ERBB4: variants seen among roughly 807,000 people sequenced by gnomAD.
ERBB4 encodes receptor tyrosine-protein kinase erbB-4.
ERBB4 carries 42 observed loss-of-function variants against 158.0 expected under a neutral mutation model. The ratio of observed to expected loss-of-function variants is 0.27; its 90% CI spans 0.21 to 0.34. The LOEUF is 0.34. ERBB4 is among the 10% of genes least tolerant of loss of function. ERBB4 has a pLI of 1.00. For synonymous variants in ERBB4, 583 were observed against 558.7 expected (o/e 1.04, Z -0.61); for missense variants, 1,333 against 1,624.1 (o/e 0.82, Z 3.08).
chr2:212,253,919 T>C (rs956187002), intron 1 of ERBB4, among the ~76,000 whole-genome samples: 11 of 152,114 alleles, frequency 7.2e-5, no homozygotes, highest in Non-Finnish European at 8.8e-5. Flanking sequence ...CACACCTGTA[T>C]AGTATGTTAC....
At chr2:211,558,583 T>C (rs2067299911) in intron 20 of ERBB4, among the ~76,000 whole-genome samples, 1 of 152,202 alleles carries the variant, frequency 6.6e-6, no homozygotes, top group South Asian at 2.1e-4. Context: ...TACCATTTAT[T>C]ACATTCTTTT....
intron 2 of ERBB4, among the ~76,000 whole-genome samples, chr2:212,057,613 A>G (rs1267962834): frequency 6.6e-6 from 1 of 152,250 alleles, no homozygotes; most frequent in East Asian, 1.9e-4. Context: ...ACTAGAACTC[A>G]GGATTAAGAA....
At chr2:211,530,293 G>T (rs1388573233) in intron 20 of ERBB4, among the ~76,000 whole-genome samples, 1 of 152,048 alleles carries the variant, frequency 6.6e-6, no homozygotes. Flanking sequence ...AACCAAAGAA[G>T]TGAACAATCT....
At position 212,187,381 on chromosome 2, in the gene ERBB4, C is replaced by A. The variant is rs949921277; in HGVS notation, c.83-62478G>T. Among the ~76,000 whole-genome samples, 9 of 151,030 alleles carry A rather than the reference C, an allele frequency of 6.0e-5. No homozygotes were observed. In the South Asian group the frequency reaches 1.0e-3, roughly 18 times the overall value. Reference sequence around the variant, plus strand: ...TGGCACACGTATGTATGTAACTAACCTGCACAATGTGCACATGTACCCTAA... The same window carrying A: ...TGGCACACGTATGTATGTAACTAACATGCACAATGTGCACATGTACCCTAA... On this transcript the variant is annotated intron_variant, in intron 1 of 27. Transcript: ENST00000342788.
At position 212,391,723 on chromosome 2, in the gene ERBB4, TTA is replaced by T. The variant is rs60997153; in HGVS notation, c.82+146724_82+146725del. 6.7e-3 allele frequency among the ~76,000 whole-genome samples: 946 copies of T among 141,304 alleles called. 10 individuals carry two copies. The highest frequency in any genetic ancestry group is 0.024 in the African/African-American group (890 of 37,750). The allele number at this position is 141,304 out of a possible 152,430, so 92.7% of individuals were successfully genotyped here. ...TATATTATATATATTGACATATATA[TTA>T]TATATATGACATATATATTATATAT... is the stretch of plus-strand genomic sequence containing the variant. On this transcript the variant is annotated intron_variant, in intron 1 of 27. Coordinates refer to ENST00000342788, the MANE Select transcript of ERBB4 (RefSeq NM_005235.3).
At chr2:211,980,561 T>C (rs1424225605) in intron 2 of ERBB4, among the ~76,000 whole-genome samples, 1 of 152,334 alleles carries the variant, frequency 6.6e-6, no homozygotes, top group South Asian at 2.1e-4. Context: ...CATCCCTTAG[T>C]ATTTAGTGAA....
chr2:212,411,660 A>C (rs114920951), intron 1 of ERBB4, among the ~76,000 whole-genome samples: 1,725 of 151,880 alleles, frequency 0.011, 42 homozygotes, highest in African/African-American at 0.039. Flanking sequence ...AGAACTAAAC[A>C]CTTGTTTAAA....
At chr2:211,554,896 C>T (rs185451048) in intron 20 of ERBB4, among the ~76,000 whole-genome samples, 1 of 152,108 alleles carries the variant, frequency 6.6e-6, no homozygotes, top group African/African-American at 2.4e-5. Context: ...AAATTAATAC[C>T]TGAGTTAAAC....
intron 1 of ERBB4, among the ~76,000 whole-genome samples, chr2:212,331,478 A>T (rs2088167852): frequency 6.6e-6 from 1 of 151,996 alleles, no homozygotes; most frequent in Non-Finnish European, 1.5e-5. Flanking sequence ...ACGTAGAGAA[A>T]TCTATTCCCT....
intron 3 of ERBB4, among the ~76,000 whole-genome samples, chr2:211,820,360 C>A (rs1222698873): frequency 6.6e-6 from 1 of 151,740 alleles, no homozygotes; most frequent in Non-Finnish European, 1.5e-5. Context: ...TGGATACATA[C>A]AACCTACCAA....
intron 16 of ERBB4, 34 bp from the exon 17 acceptor site, chr2:211,630,628 A>C (rs1559364946): frequency 6.3e-7 from 1 of 1,578,646 alleles, no homozygotes; most frequent in East Asian, 2.2e-5. Context: ...AAAAATAAAA[A>C]GTATGAAGAG....
chr2:212,436,735 C>G (rs2105960807), intron 1 of ERBB4, among the ~76,000 whole-genome samples: 1 of 152,156 alleles, frequency 6.6e-6, no homozygotes, highest in East Asian at 1.9e-4. Context: ...CTATATTTGC[C>G]AGTAAACCTT....
intron 3 of ERBB4, among the ~76,000 whole-genome samples, chr2:211,919,531 G>T (rs936845707): frequency 2.6e-5 from 4 of 152,128 alleles, no homozygotes; most frequent in Non-Finnish European, 5.9e-5. Context: ...CCTAGTAAAT[G>T]TGCATGAACA....
chr2:212,077,730 T>A (rs1286769475), intron 2 of ERBB4, among the ~76,000 whole-genome samples: 1 of 152,080 alleles, frequency 6.6e-6, no homozygotes, highest in Non-Finnish European at 1.5e-5. Flanking sequence ...TGATAATTGA[T>A]GAATTTAACA....
chr2:212,410,758 A>C (rs1287811178), intron 1 of ERBB4, among the ~76,000 whole-genome samples: 2 of 152,098 alleles, frequency 1.3e-5, no homozygotes, highest in African/African-American at 4.8e-5. Context: ...TGTTTCATTT[A>C]AGATTATTTA....
chr2:211,520,935 T>G (rs1282872345), intron 20 of ERBB4, among the ~76,000 whole-genome samples: 3 of 152,172 alleles, frequency 2.0e-5, no homozygotes, highest in Non-Finnish European at 4.4e-5. Context: ...GACAATGAAC[T>G]TAATGGATAA....
chr2:211,955,271 C>T (rs550278277), intron 2 of ERBB4, among the ~76,000 whole-genome samples: 4 of 152,122 alleles, frequency 2.6e-5, no homozygotes, highest in East Asian at 1.9e-4. Context: ...CATCACTGGC[C>T]GCTTAGCCAG....
At chr2:211,495,056 G>C (rs1250710400) in intron 20 of ERBB4, among the ~76,000 whole-genome samples, 1 of 151,956 alleles carries the variant, frequency 6.6e-6, no homozygotes, top group Non-Finnish European at 1.5e-5. Context: ...TACTTGTTTT[G>C]GGAGATTTAG....
At chr2:211,521,091 G>A (rs2066174021) in intron 20 of ERBB4, among the ~76,000 whole-genome samples, 1 of 151,692 alleles carries the variant, frequency 6.6e-6, no homozygotes, top group South Asian at 2.1e-4. Context: ...GTAAATGGAA[G>A]AGTTGCAAGT....
Sources: gnomAD v4.1 joint callset for allele counts (sites outside exome capture counted in the v4.1 genomes callset) on GRCh38, gnomAD v4.1.1 for gene constraint, MANE v1.5 for transcripts, NCBI Gene and HGNC (gene_info 2026-07-23, HGNC 2026-07-21) for gene names.